The following AHI1 variants were observed in gnomAD, a reference collection of about 807,000 sequenced individuals.
The protein encoded by AHI1 is jouberin.
A neutral mutation model predicts 149.3 loss-of-function variants in AHI1; 123 were observed. The ratio of observed to expected loss-of-function variants is 0.82; its 90% CI spans 0.71 to 0.96. AHI1 has a LOEUF of 0.96. AHI1 is among the 40% of genes least tolerant of loss of function. AHI1 has a pLI of 0.00. For missense variants in AHI1, 1,439 were observed against 1,422.7 expected (o/e 1.01, Z -0.18); for synonymous variants, 475 against 459.8 (o/e 1.03, Z -0.42).
chr6:135,463,102 T>G (rs1291374847), intron 8 of AHI1, 23 bp downstream of exon 8: 28 of 1,541,484 alleles, frequency 1.8e-5, no homozygotes, highest in Non-Finnish European at 2.3e-5. Flanking sequence ...TACACAATTT[T>G]TCATTTAATT....
chr6:135,465,984 C>G lies in AHI1; in HGVS notation c.579G>C (p.Gln193His). ...TTGCCATTTCTTCAGTTACATGGCA[C>G]TGATATGCTTGCATCAATTCTTCAT... ...EEDEELMQAY[Q>H]CHVTEEMAKE... Residue 193 changes from glutamine (Q) to histidine (H), a missense_variant, in exon 7 of 29, where the codon CAG becomes CAC. Gln to His is a conservative substitution (Grantham distance 24). Transcript: ENST00000265602. 6.2e-7 allele frequency: 1 copy of G among 1,613,910 alleles called. No homozygotes were observed. Among genetic ancestry groups the G allele is most frequent in the Non-Finnish European group, 8.5e-7 (1 of 1,179,866 alleles).
At chr6:135,315,653 T>C (rs1785836347) in intron 26 of AHI1, among the ~76,000 whole-genome samples, 2 of 152,174 alleles carry the variant, frequency 1.3e-5, no homozygotes, top group Non-Finnish European at 1.5e-5. Flanking sequence ...TGTAGATTTA[T>C]GCCACCTCCA....
chr6:135,433,631 T>C (rs141370362), intron 15 of AHI1, among the ~76,000 whole-genome samples: 1,579 of 152,232 alleles, frequency 0.01, 15 homozygotes, highest in Non-Finnish European at 0.016. Flanking sequence ...ACTTTAATGA[T>C]TTCCCATTTA....
intron 9 of AHI1, among the ~76,000 whole-genome samples, chr6:135,457,120 C>T (rs543681824): frequency 2.0e-5 from 3 of 152,078 alleles, no homozygotes; most frequent in Admixed American, 6.5e-5. Context: ...CCCGCCTCCA[C>T]TAAAAATACA....
intron 5 of AHI1, among the ~76,000 whole-genome samples, chr6:135,469,712 G>A (rs866949564): frequency 1.1e-4 from 17 of 152,186 alleles, no homozygotes; most frequent in Middle Eastern, 3.4e-3. Flanking sequence ...ACAACCAATA[G>A]GGAAAGGATT....
In AHI1 at chr6:135,391,592, G is replaced by A. The variant is rs149830678; in HGVS notation, c.3109+3184C>T. Among the ~76,000 whole-genome samples, 78 of 152,160 alleles carry A rather than the reference G, an allele frequency of 5.1e-4. No homozygotes were observed. The East Asian group carries it at 0.01, about 20-fold the overall frequency. ...GAATAAAATGTGAATTCCTCAGTGC[G>A]GTATGATTTGACCCAATCTACCTCT... On this transcript the variant is annotated intron_variant, in intron 23 of 28. Transcript: ENST00000265602.
chr6:135,440,540 C>A (rs1173358415), intron 14 of AHI1, among the ~76,000 whole-genome samples: 2 of 152,264 alleles, frequency 1.3e-5, no homozygotes, highest in Non-Finnish European at 2.9e-5. Context: ...CTTTACTTCT[C>A]ACTCGGGCTG....
intron 26 of AHI1, among the ~76,000 whole-genome samples, chr6:135,313,876 G>A (rs183813821): frequency 1.3e-5 from 2 of 152,158 alleles, no homozygotes; most frequent in Non-Finnish European, 2.9e-5. Flanking sequence ...TACTAAGGGA[G>A]GGGGGGTCAG....
chr6:135,361,989 CCT>C (rs953218293), intron 23 of AHI1, among the ~76,000 whole-genome samples: 2 of 152,090 alleles, frequency 1.3e-5, no homozygotes, highest in Admixed American at 6.6e-5. Context: ...ATCCCTCACC[CCT>C]GTCCCACCCT....
At chr6:135,438,937 T>A (rs1266848715) in intron 14 of AHI1, among the ~76,000 whole-genome samples, 1 of 152,290 alleles carries the variant, frequency 6.6e-6, no homozygotes. Flanking sequence ...CAAAAGTAAA[T>A]TTTAATACTA....
At chr6:135,298,197 G>A (rs1783388742) in intron 27 of AHI1, among the ~76,000 whole-genome samples, 1 of 151,944 alleles carries the variant, frequency 6.6e-6, no homozygotes, top group African/African-American at 2.4e-5. Flanking sequence ...AAATGTAGAA[G>A]TTTAAGATTT....
At chr6:135,373,706 A>C (rs1483968779) in intron 23 of AHI1, among the ~76,000 whole-genome samples, 1 of 152,190 alleles carries the variant, frequency 6.6e-6, no homozygotes. Flanking sequence ...AAGAAAGAAG[A>C]ACAAAGACAA....
intron 17 of AHI1, 146 bp from the exon 18 acceptor site, chr6:135,430,146 G>T: frequency 3.7e-6 from 2 of 545,426 alleles, no homozygotes; most frequent in East Asian, 3.0e-5. Context: ...TCTGAGTAAC[G>T]TCAGTTTAGG....
chr6:135,318,078 C>T (rs991756352), intron 26 of AHI1, among the ~76,000 whole-genome samples: 7 of 152,182 alleles, frequency 4.6e-5, no homozygotes, highest in Admixed American at 1.3e-4. Context: ...TTCATTTTAA[C>T]GTAAAAACAT....
chr6:135,362,521 C>A (rs549677158), intron 23 of AHI1, among the ~76,000 whole-genome samples: 1 of 152,284 alleles, frequency 6.6e-6, no homozygotes, highest in South Asian at 2.1e-4. Flanking sequence ...ACCACATTTA[C>A]ACCAACATCT....
At chr6:135,364,402 T>C (rs1389646040) in intron 23 of AHI1, among the ~76,000 whole-genome samples, 1 of 142,364 alleles carries the variant, frequency 7.0e-6, no homozygotes, top group African/African-American at 2.7e-5. Context: ...CTCCTCACTT[T>C]CCAGACTGGG....
At chr6:135,455,495 T>C (rs984397372) in intron 10 of AHI1, among the ~76,000 whole-genome samples, 1 of 152,246 alleles carries the variant, frequency 6.6e-6, no homozygotes, top group Non-Finnish European at 1.5e-5. Flanking sequence ...GCTGTTGTAA[T>C]TATTAAATTA....
rs565095853 is a variant in AHI1, at chr6:135,424,053, A to G, written c.2764+3114T>C. On this transcript the variant is annotated intron_variant, in intron 20 of 28. Transcript: ENST00000265602. ...TACAACGTATAGAAAATACAAGGAA[A>G]CCACATACTCCACAGAGAAACATAG... Among the ~76,000 whole-genome samples, 3 of 152,208 alleles carry G rather than the reference A, an allele frequency of 2.0e-5. No individual in the cohort carries two copies. The South Asian group carries it at 6.2e-4, about 32-fold the overall frequency.
chr6:135,403,419 A>G (rs1780301276), intron 22 of AHI1, among the ~76,000 whole-genome samples: 1 of 152,192 alleles, frequency 6.6e-6, no homozygotes. Flanking sequence ...CATTTTTTCA[A>G]TGAGTATTTA....
Sources: gnomAD v4.1 joint callset for allele counts (sites outside exome capture counted in the v4.1 genomes callset) on GRCh38, gnomAD v4.1.1 for gene constraint, MANE v1.5 for transcripts, NCBI Gene and HGNC (gene_info 2026-07-23, HGNC 2026-07-21) for gene names.